Variants in LRRC4C observed in about 807,000 individuals in gnomAD.
LRRC4C encodes leucine-rich repeat-containing protein 4C.
In LRRC4C, 5 loss-of-function variants were observed where a neutral mutation model predicts 33.6. The observed-to-expected ratio is 0.15, with a 90% CI of 0.08 to 0.31. LRRC4C has a LOEUF of 0.31. Among genes scored for constraint, LRRC4C ranks in the 10% least tolerant of loss-of-function variants. The pLI, the probability that LRRC4C is intolerant of heterozygous loss-of-function variation, is 1.00. For synonymous variants in LRRC4C, 329 were observed against 302.0 expected (o/e 1.09, Z -0.93); for missense variants, 560 against 796.7 (o/e 0.70, Z 3.58).
intron 4 of LRRC4C, among the ~76,000 whole-genome samples, chr11:40,242,121 C>T (rs954432815): frequency 2.0e-5 from 3 of 152,164 alleles, no homozygotes; most frequent in Non-Finnish European, 4.4e-5. Context: ...CAGTCTCCAG[C>T]GAGCTGTACA....
chr11:40,644,163 A>G (rs1014372850), intron 3 of LRRC4C, among the ~76,000 whole-genome samples: 6 of 152,188 alleles, frequency 3.9e-5, no homozygotes, highest in Non-Finnish European at 7.4e-5. Flanking sequence ...TGGGAAAAAA[A>G]TAAAGAAGAT....
intron 6 of LRRC4C, among the ~76,000 whole-genome samples, chr11:40,116,755 T>G (rs759293042): frequency 6.6e-6 from 1 of 152,186 alleles, no homozygotes; most frequent in Non-Finnish European, 1.5e-5. Flanking sequence ...AGCTGACATA[T>G]TATATTGAAG....
chr11:41,296,839 TTTC>T (rs1446063726), intron 1 of LRRC4C, among the ~76,000 whole-genome samples: 2 of 152,214 alleles, frequency 1.3e-5, no homozygotes, highest in Admixed American at 6.5e-5. Context: ...TATATCTACT[TTTC>T]TTCTTATCAT....
chr11:40,969,197 A>T (rs1048788853), intron 1 of LRRC4C, among the ~76,000 whole-genome samples: 6 of 152,178 alleles, frequency 3.9e-5, no homozygotes, highest in African/African-American at 1.4e-4. Flanking sequence ...CAGCAAGAGA[A>T]CTAGAATTAG....
At position 41,006,815 on chromosome 11, in the gene LRRC4C, C is replaced by T. The variant is rs559757223; in HGVS notation, c.-495-73092G>A. On this transcript the variant is annotated intron_variant, in intron 1 of 6. Coordinates refer to ENST00000528697, the MANE Select transcript of LRRC4C (RefSeq NM_001258419.2). ...CTTATATTCAATGTTATCAAACCTA[C>T]CTAACATGCACAAATTCATATTTTC... Among the ~76,000 whole-genome samples, 4 of 152,186 alleles carry T rather than the reference C, an allele frequency of 2.6e-5. No individual in the cohort carries two copies. In the South Asian group the frequency reaches 8.3e-4, roughly 32 times the overall value.
chr11:41,066,899 G>T (rs564775210), intron 1 of LRRC4C, among the ~76,000 whole-genome samples: 8 of 152,260 alleles, frequency 5.3e-5, no homozygotes, highest in Admixed American at 5.2e-4. Context: ...TTCCTTGCAA[G>T]AGCTCCTGAA....
At chr11:40,913,474 A>G (rs1956790594) in intron 2 of LRRC4C, among the ~76,000 whole-genome samples, 1 of 152,208 alleles carries the variant, frequency 6.6e-6, no homozygotes, top group African/African-American at 2.4e-5. Flanking sequence ...ATGAAGGCAG[A>G]AATAAAGATG....
intron 1 of LRRC4C, among the ~76,000 whole-genome samples, chr11:41,362,886 C>T (rs1424579648): frequency 6.6e-6 from 1 of 152,008 alleles, no homozygotes; most frequent in Non-Finnish European, 1.5e-5. Context: ...CTTCCATCTG[C>T]TTCTGTCACA....
chr11:41,256,132 C>A (rs1214194795), intron 1 of LRRC4C, among the ~76,000 whole-genome samples: 1 of 152,018 alleles, frequency 6.6e-6, no homozygotes, highest in Non-Finnish European at 1.5e-5. Flanking sequence ...AAGGCTGGCT[C>A]TGTCTGTTTG....
intron 3 of LRRC4C, among the ~76,000 whole-genome samples, chr11:40,404,761 A>C (rs1268021062): frequency 1.3e-5 from 2 of 152,064 alleles, no homozygotes; most frequent in Non-Finnish European, 2.9e-5. Context: ...CATTATCCTT[A>C]AATATAGTTC....
chr11:40,362,492 G>A (rs776418126), intron 3 of LRRC4C, among the ~76,000 whole-genome samples: 20 of 152,192 alleles, frequency 1.3e-4, no homozygotes, highest in Non-Finnish European at 1.9e-4. Context: ...GGCCAAGGCA[G>A]GTGGAACACC....
intron 1 of LRRC4C, among the ~76,000 whole-genome samples, chr11:41,318,968 C>T (rs1037752290): frequency 8.5e-5 from 13 of 152,204 alleles, no homozygotes; most frequent in Non-Finnish European, 1.5e-4. Flanking sequence ...CCCTTTGGTG[C>T]CTGAACATAA....
rs1348124411 is a variant in LRRC4C, at chr11:40,560,912, C to A, written c.-270+87230G>T. The stretch of plus-strand genomic sequence containing the variant: ...GTTAAATGACAGAAATGAAACAAAC[C>A]ATTTCAGAGAGTTAATTTAAGGACA... On this transcript the variant is annotated intron_variant, in intron 3 of 6. Coordinates refer to ENST00000528697, the MANE Select transcript of LRRC4C (RefSeq NM_001258419.2). Among the ~76,000 whole-genome samples the A allele has an allele frequency of 3.9e-5, 6 of 152,230 alleles. No individual in the cohort carries two copies. In the East Asian group the frequency reaches 1.2e-3, roughly 29 times the overall value.
chr11:40,744,815 T>C (rs1009726834), intron 2 of LRRC4C, among the ~76,000 whole-genome samples: 2 of 152,120 alleles, frequency 1.3e-5, no homozygotes, highest in African/African-American at 4.8e-5. Flanking sequence ...TTTGGCTGTA[T>C]TGTCTACAAA....
chr11:41,163,485 T>C (rs1944575551), intron 1 of LRRC4C, among the ~76,000 whole-genome samples: 1 of 151,818 alleles, frequency 6.6e-6, no homozygotes, highest in African/African-American at 2.4e-5. Context: ...GGTTTCCCCA[T>C]GTTGGCCAGG....
intron 1 of LRRC4C, among the ~76,000 whole-genome samples, chr11:40,946,033 C>T (rs1958382859): frequency 6.6e-6 from 1 of 152,094 alleles, no homozygotes; most frequent in South Asian, 2.1e-4. Flanking sequence ...GATCCTGTTG[C>T]TCAGATAGTT....
At chr11:41,250,824 T>G (rs1177770146) in intron 1 of LRRC4C, among the ~76,000 whole-genome samples, 1 of 152,228 alleles carries the variant, frequency 6.6e-6, no homozygotes, top group Non-Finnish European at 1.5e-5. Context: ...CATTCTTGTT[T>G]TATTACTTCT....
intron 1 of LRRC4C, among the ~76,000 whole-genome samples, chr11:41,107,408 A>G (rs1941569825): frequency 6.6e-6 from 1 of 152,094 alleles, no homozygotes; most frequent in African/African-American, 2.4e-5. Context: ...ACATGTAGCT[A>G]TAATAATATA....
intron 3 of LRRC4C, among the ~76,000 whole-genome samples, chr11:40,443,184 G>T (rs1371100615): frequency 2.0e-5 from 3 of 152,130 alleles, no homozygotes; most frequent in Non-Finnish European, 4.4e-5. Context: ...AGAAAAGAAG[G>T]GTAATGATTG....
Sources: gnomAD v4.1 joint callset for allele counts (sites outside exome capture counted in the v4.1 genomes callset) on GRCh38, gnomAD v4.1.1 for gene constraint, MANE v1.5 for transcripts, NCBI Gene and HGNC (gene_info 2026-07-23, HGNC 2026-07-21) for gene names.